Variants in MINDY4B observed in about 807,000 individuals in gnomAD.
The protein encoded by MINDY4B is inactive ubiquitin carboxyl-terminal hydrolase MINDY-4B.
Under a neutral mutation model 16.7 loss-of-function variants are expected in MINDY4B, and 25 were observed. That is an observed-to-expected ratio of 1.49 (90% CI 1.09 to 2.09). The LOEUF (loss-of-function observed/expected upper bound fraction) is 2.09, where lower values mean the gene tolerates loss of function less well. Ranked by LOEUF, MINDY4B falls within the 30% of genes most tolerant of loss-of-function variation. The pLI is 0.00. For synonymous variants in MINDY4B, 132 were observed against 61.9 expected, an observed-to-expected ratio of 2.13 and a Z score of -5.32; for missense variants, 327 against 168.4, an observed-to-expected ratio of 1.94 and a Z score of -5.21.
At chr3:150,882,387 C>T (rs941447522) in intron 10 of MINDY4B, among the ~76,000 whole-genome samples, 1 of 151,856 alleles carries the variant, frequency 6.6e-6, no homozygotes, top group Non-Finnish European at 1.5e-5. Context: ...ACGTAGGGGC[C>T]CCCTTTTTTT....
At chr3:150,873,100 T>A (rs1448214237) in intron 11 of MINDY4B, 87 bp downstream of exon 11, 1 of 609,452 alleles carries the variant, frequency 1.6e-6, no homozygotes, top group Non-Finnish European at 2.9e-6. Flanking sequence ...GGAGCTAGCA[T>A]GAATATCCAC....
At chr3:150,902,410 C>T (rs1258207010) in intron 3 of MINDY4B, among the ~76,000 whole-genome samples, 1 of 152,160 alleles carries the variant, frequency 6.6e-6, no homozygotes, top group Admixed American at 6.5e-5. Context: ...TGAGAAGTCC[C>T]GAGTTTCATT....
rs1004259543 is a variant in MINDY4B, at chr3:150,873,190, T to C, written c.1237A>G (p.Ile413Val). 7.1e-5 allele frequency: 50 copies of C among 702,760 alleles called. No homozygotes were observed. Among genetic ancestry groups the C allele is most frequent in the African/African-American group, 6.5e-4 (37 of 57,222 alleles). 43.5% of individuals were successfully genotyped at this position (702,760 alleles called of 1,614,324 possible). ...PSQKKLVRLTIDTHSHHWERD... is the reference protein window; with the variant it reads ...PSQKKLVRLTVDTHSHHWERD... ...ACCTGGAGTCTGAAATGCTCACCTA[T>C]TGTAAGACGCACAAGCTTTTTCTGT... Residue 413 changes from isoleucine to valine, a missense_variant, in exon 11 of 12, where the codon ATA (isoleucine) becomes GTA (valine). Physicochemically the swap from Ile to Val is conservative, Grantham distance 29 (BLOSUM62 3). Transcript: ENST00000465419.
chr3:150,890,763 T>C, intron 6 of MINDY4B, 175 bp downstream of exon 6: 1 of 544,980 alleles, frequency 1.8e-6, no homozygotes, highest in Non-Finnish European at 3.3e-6. Context: ...AAAACAGGAC[T>C]CTTTGTTGTG....
chr3:150,879,461 G>C (rs893320568), intron 10 of MINDY4B, among the ~76,000 whole-genome samples: 1 of 152,156 alleles, frequency 6.6e-6, no homozygotes, highest in Non-Finnish European at 1.5e-5. Flanking sequence ...TGCAGAGGTT[G>C]AGAAGTCCTG....
chr3:150,882,763 G>A, intron 10 of MINDY4B, 134 bp downstream of exon 10: 2 of 434,528 alleles, frequency 4.6e-6, no homozygotes, highest in Admixed American at 8.1e-5. Flanking sequence ...GTCTGTGTGT[G>A]GCAGGAGGGA....
At chr3:150,892,120 A>G (rs1271136816) in intron 5 of MINDY4B, among the ~76,000 whole-genome samples, 5 of 152,298 alleles carry the variant, frequency 3.3e-5, no homozygotes, top group Middle Eastern at 6.8e-3. Context: ...GATTGAAGCC[A>G]CCTTGCCCAG....
chr3:150,872,541 G>A (rs990370454), intron 11 of MINDY4B, among the ~76,000 whole-genome samples: 6 of 152,150 alleles, frequency 3.9e-5, no homozygotes, highest in South Asian at 4.1e-4. Flanking sequence ...GTTTATGACC[G>A]AAATGATCTG....
At position 150,897,932 on chromosome 3, in the gene MINDY4B, A is replaced by G. The variant is rs371127248; in HGVS notation, c.310-3627T>C. ...AACTAATGGAAAATGTTTCCCTGAC[A>G]TTGAGATTGCACAGCACAGAAAGAC... is the stretch of plus-strand genomic sequence containing the variant. On this transcript the variant is annotated intron_variant, in intron 3 of 11. Coordinates refer to ENST00000465419, the MANE Select transcript of MINDY4B (RefSeq NM_001351281.2). Among the ~76,000 whole-genome samples, 332 of 152,366 alleles carry G rather than the reference A, an allele frequency of 2.2e-3. 3 individuals carry two copies. Among genetic ancestry groups the G allele is most frequent in the African/African-American group, 7.6e-3 (317 of 41,588 alleles).
chr3:150,874,061 G>C (rs1275353604), intron 10 of MINDY4B, among the ~76,000 whole-genome samples: 1 of 138,316 alleles, frequency 7.2e-6, no homozygotes, highest in African/African-American at 2.7e-5. Flanking sequence ...TGTCATCCAG[G>C]CTATAATGCA....
At chr3:150,889,723 T>C (rs769289948) in intron 7 of MINDY4B, among the ~76,000 whole-genome samples, 4 of 152,220 alleles carry the variant, frequency 2.6e-5, no homozygotes, top group African/African-American at 9.6e-5. Flanking sequence ...TTTCACATTG[T>C]AGGTTTCTGA....
chr3:150,873,342 T>C lies in MINDY4B; in HGVS notation c.1085A>G (p.Lys362Arg), dbSNP rs746620113. The C allele has an allele frequency of 1.1e-5, 8 of 702,538 alleles. No homozygotes were observed. The South Asian group carries it at 1.2e-4, about 10-fold the overall frequency. The allele number at this position is 702,538 out of a possible 1,614,324, so 43.5% of individuals were successfully genotyped here. A position where few individuals can be genotyped will look rare whatever the true frequency, so the allele number is the denominator to read the frequency against. Reference protein sequence around the residue: ...SQVGSMLKTPKLPIWLCNING... With the variant: ...SQVGSMLKTPRLPIWLCNING... Reference sequence around the variant, plus strand: ...GATGTTGCACAGCCAAATAGGTAATTTGGGAGTCTTCAGCATGCTGCCCAC... The same window carrying C: ...GATGTTGCACAGCCAAATAGGTAATCTGGGAGTCTTCAGCATGCTGCCCAC... The change falls in exon 11 of 12, where the codon AAA (lysine) becomes AGA (arginine). Residue 362 changes from lysine (K) to arginine (R), a missense_variant. Coordinates refer to ENST00000465419, the MANE Select transcript of MINDY4B (RefSeq NM_001351281.2).
rs758187431 is a variant in MINDY4B, at chr3:150,871,012, A to T, written c.*33T>A. 6.8e-5 allele frequency: 47 copies of T among 693,656 alleles called. No individual in the cohort carries two copies. Among genetic ancestry groups the T allele is most frequent in the Non-Finnish European group, 1.1e-4 (42 of 380,486 alleles). The allele number at this position is 693,656 out of a possible 1,614,324, so 43.0% of individuals were successfully genotyped here. A position where few individuals can be genotyped will look rare whatever the true frequency, so the allele number is the denominator to read the frequency against. Reference sequence around the variant, plus strand: ...GCTTTTGCATCCCAGCAGTTCTGACACTTCAGACTTCATTGCACAGCCTAG... The same window carrying T: ...GCTTTTGCATCCCAGCAGTTCTGACTCTTCAGACTTCATTGCACAGCCTAG... On this transcript the variant is annotated 3_prime_UTR_variant, in exon 12 of 12. Transcript: ENST00000465419.
At chr3:150,890,867 C>A in intron 6 of MINDY4B, 71 bp downstream of exon 6, 1 of 676,658 alleles carries the variant, frequency 1.5e-6, no homozygotes. Context: ...CCTGCATACA[C>A]ATGGTAAGTC....
In MINDY4B at chr3:150,871,071, A is replaced by G; in HGVS notation, c.1357T>C (p.Trp453Arg). Reference protein sequence around the residue: ...RTKWSEATINWNGTVPFF With the variant: ...RTKWSEATINRNGTVPFF ...TAGAAGAAGGGAACGGTCCCATTCC[A>G]GTTGATGGTGGCCTCGCTCCACTTG... Residue 453 changes from tryptophan to arginine, a missense_variant, in exon 12 of 12, where the codon TGG (tryptophan) becomes CGG (arginine). Coordinates refer to ENST00000465419, the MANE Select transcript of MINDY4B (RefSeq NM_001351281.2). 1.4e-6 allele frequency: 1 copy of G among 702,912 alleles called. No homozygotes were observed. Among genetic ancestry groups the G allele is most frequent in the Non-Finnish European group, 2.6e-6 (1 of 384,852 alleles). The allele number at this position is 702,912 out of a possible 1,614,324, so 43.5% of individuals were successfully genotyped here. A position where few individuals can be genotyped will look rare whatever the true frequency, so the allele number is the denominator to read the frequency against.
chr3:150,877,044 A>G (rs1318801502), intron 10 of MINDY4B, among the ~76,000 whole-genome samples: 5 of 107,316 alleles, frequency 4.7e-5, no homozygotes, highest in African/African-American at 1.9e-4. Flanking sequence ...TAATGAGAAT[A>G]CCATCTTTTT....
At chr3:150,886,314 A>G (rs1333159364) in intron 7 of MINDY4B, among the ~76,000 whole-genome samples, 1 of 152,220 alleles carries the variant, frequency 6.6e-6, no homozygotes, top group Non-Finnish European at 1.5e-5. Flanking sequence ...GCTAAAATGC[A>G]TATGCTTTTC....
At chr3:150,872,104 A>G (rs191814356) in intron 11 of MINDY4B, among the ~76,000 whole-genome samples, 1 of 152,366 alleles carries the variant, frequency 6.6e-6, no homozygotes, top group African/African-American at 2.4e-5. Context: ...TCATGTGACT[A>G]TTGGGAATGT....
At chr3:150,879,818 G>A (rs1212164979) in intron 10 of MINDY4B, among the ~76,000 whole-genome samples, 1 of 152,190 alleles carries the variant, frequency 6.6e-6, no homozygotes, top group African/African-American at 2.4e-5. Flanking sequence ...TGTGCAGTCA[G>A]GGTTGACATC....
Sources: gnomAD v4.1 joint callset for allele counts (sites outside exome capture counted in the v4.1 genomes callset) on GRCh38, gnomAD v4.1.1 for gene constraint, MANE v1.5 for transcripts, NCBI Gene and HGNC (gene_info 2026-07-23, HGNC 2026-07-21) for gene names.